The following CPED1 variants were observed in gnomAD, a reference collection of about 807,000 sequenced individuals.
CPED1 encodes cadherin-like and PC-esterase domain-containing protein 1.
A neutral mutation model predicts 128.2 loss-of-function variants in CPED1; 114 were observed. The observed-to-expected ratio is 0.89, with a 90% CI of 0.76 to 1.04. CPED1 has a LOEUF of 1.04. CPED1 is among the 50% of genes least tolerant of loss of function. CPED1 has a pLI of 0.00. For synonymous variants in CPED1, 462 were observed against 426.7 expected, an observed-to-expected ratio of 1.08 and a Z score of -1.02; for missense variants, 1,211 against 1,207.1, an observed-to-expected ratio of 1.00 and a Z score of -0.05.
intron 16 of CPED1, among the ~76,000 whole-genome samples, chr7:121,146,425 A>C (rs1191847801): frequency 6.6e-6 from 1 of 152,126 alleles, no homozygotes; most frequent in Non-Finnish European, 1.5e-5. Flanking sequence ...GGGACATTCA[A>C]ACTACAGCAA....
intron 17 of CPED1, among the ~76,000 whole-genome samples, chr7:121,237,697 CCCTT>C (rs1455720391): frequency 6.6e-6 from 1 of 152,138 alleles, no homozygotes; most frequent in Non-Finnish European, 1.5e-5. Context: ...CCCCAAGTCT[CCCTT>C]CCTCTAAAAA....
At chr7:121,054,133 G>A (rs79602962) in intron 4 of CPED1, among the ~76,000 whole-genome samples, 3,168 of 152,296 alleles carry the variant, frequency 0.021, 107 homozygotes, top group African/African-American at 0.069. Context: ...CTACTAGGGT[G>A]TCATTGAGTT....
At chr7:121,015,601 A>G (rs1003143880) in intron 2 of CPED1, 64 bp from the exon 3 acceptor site, 2 of 1,409,858 alleles carry the variant, frequency 1.4e-6, no homozygotes, top group Non-Finnish European at 1.9e-6. Flanking sequence ...ATTTGCATTC[A>G]TGATGTCCTT....
intron 3 of CPED1, among the ~76,000 whole-genome samples, chr7:121,026,666 TAAAA>T (rs36038620): frequency 5.1e-5 from 7 of 136,620 alleles, no homozygotes; most frequent in Non-Finnish European, 7.8e-5. Context: ...CATCATTATT[TAAAA>T]AAAAAAAAAA....
chr7:121,174,655 A>C (rs751437507), intron 16 of CPED1, among the ~76,000 whole-genome samples: 49 of 152,176 alleles, frequency 3.2e-4, no homozygotes, highest in Admixed American at 7.2e-4. Context: ...GTCAGGTAAC[A>C]TGATGTCTCC....
intron 22 of CPED1, among the ~76,000 whole-genome samples, chr7:121,279,905 G>C (rs1792421614): frequency 6.6e-6 from 1 of 152,146 alleles, no homozygotes; most frequent in Non-Finnish European, 1.5e-5. Context: ...GCATTCCACA[G>C]TCAGGCAGAG....
chr7:121,130,597 G>C (rs1370474293), intron 12 of CPED1, among the ~76,000 whole-genome samples: 4 of 152,054 alleles, frequency 2.6e-5, no homozygotes, highest in Admixed American at 6.6e-5. Context: ...TGAATTGTGA[G>C]GGTATCAGAC....
At chr7:121,060,905 C>T (rs1343821865) in intron 4 of CPED1, among the ~76,000 whole-genome samples, 1 of 152,218 alleles carries the variant, frequency 6.6e-6, no homozygotes. Flanking sequence ...CTGCGAAGAT[C>T]TGCAGCTTCA....
intron 16 of CPED1, among the ~76,000 whole-genome samples, chr7:121,186,087 G>A (rs1053160252): frequency 4.6e-5 from 7 of 152,204 alleles, no homozygotes; most frequent in South Asian, 4.2e-4. Context: ...AAGAAAAAAG[G>A]TATTTAGTTT....
rs543689044 is a variant in CPED1, at chr7:121,056,706, T to C, written c.541-7532T>C. Among the ~76,000 whole-genome samples, 27 of 152,334 alleles carry C rather than the reference T, an allele frequency of 1.8e-4. No homozygotes were observed. The South Asian group carries it at 4.1e-3, about 23-fold the overall frequency. On this transcript the variant is annotated intron_variant, in intron 4 of 22. Transcript: ENST00000310396. The stretch of plus-strand genomic sequence containing the variant: ...CTCCATTCCCTTTCCTCTTTTTACT[T>C]TCTGGAACTTCTATTTGTCATGGGT...
chr7:121,241,790 A>C (rs1463851901), intron 17 of CPED1, among the ~76,000 whole-genome samples: 2 of 152,212 alleles, frequency 1.3e-5, no homozygotes, highest in Admixed American at 6.5e-5. Context: ...TACATAAAAT[A>C]TATATGTTGA....
intron 16 of CPED1, among the ~76,000 whole-genome samples, chr7:121,220,291 G>A (rs925031937): frequency 6.6e-6 from 1 of 152,068 alleles, no homozygotes; most frequent in African/African-American, 2.4e-5. Flanking sequence ...TCTGAGCATC[G>A]TCTACTCTGA....
chr7:121,031,340 C>T (rs1351904997), intron 3 of CPED1, among the ~76,000 whole-genome samples: 1 of 152,042 alleles, frequency 6.6e-6, no homozygotes, highest in Non-Finnish European at 1.5e-5. Flanking sequence ...GAGATGGAGT[C>T]TTGCTCTGTT....
At chr7:121,216,105 T>C (rs778640125) in intron 16 of CPED1, among the ~76,000 whole-genome samples, 8 of 152,044 alleles carry the variant, frequency 5.3e-5, no homozygotes, top group Non-Finnish European at 1.2e-4. Flanking sequence ...TCTACAACTT[T>C]CTAGATAGTT....
intron 2 of CPED1, among the ~76,000 whole-genome samples, chr7:121,006,125 CT>C (rs1792007603): frequency 6.6e-6 from 1 of 152,168 alleles, no homozygotes; most frequent in Non-Finnish European, 1.5e-5. Flanking sequence ...TCTTTCCTTT[CT>C]GCTATATTGC....
intron 18 of CPED1, among the ~76,000 whole-genome samples, chr7:121,260,434 C>G (rs1484449695): frequency 6.6e-6 from 1 of 151,778 alleles, no homozygotes; most frequent in Non-Finnish European, 1.5e-5. Flanking sequence ...TCATCATGAC[C>G]TAAATATCAT....
chr7:121,204,605 T>G (rs1361608718), intron 16 of CPED1, among the ~76,000 whole-genome samples: 2 of 152,112 alleles, frequency 1.3e-5, no homozygotes, highest in African/African-American at 4.8e-5. Flanking sequence ...TCCTTGTCCC[T>G]TCACAGAGGA....
chr7:121,248,098 C>T (rs1344408816), intron 18 of CPED1, among the ~76,000 whole-genome samples: 1 of 152,194 alleles, frequency 6.6e-6, no homozygotes, highest in Non-Finnish European at 1.5e-5. Context: ...GATAGAGCCA[C>T]TAGCTGATCC....
chr7:121,002,580 A>T (rs1460453681), intron 2 of CPED1, among the ~76,000 whole-genome samples: 1 of 152,212 alleles, frequency 6.6e-6, no homozygotes, highest in Admixed American at 6.6e-5. Context: ...AAGCTATTTT[A>T]AAAGCAGATA....
Sources: allele counts gnomAD v4.1 joint callset (sites outside exome capture counted in the v4.1 genomes callset), GRCh38; gene constraint gnomAD v4.1.1; transcripts MANE v1.5; gene names NCBI Gene and HGNC (gene_info 2026-07-23, HGNC 2026-07-21).